The following GALNT13 variants were observed in gnomAD, a reference collection of about 807,000 sequenced individuals.
The protein encoded by GALNT13 is polypeptide N-acetylgalactosaminyltransferase 13.
GALNT13 carries 28 observed loss-of-function variants against 64.2 expected under a neutral mutation model. The observed-to-expected ratio is 0.44, with a 90% CI of 0.32 to 0.60. The LOEUF is 0.60. GALNT13 is among the 20% of genes least tolerant of loss of function. The probability of loss-of-function intolerance (pLI) is 0.05; values close to 1 mark genes in which losing one functional copy is unlikely to be tolerated. For missense variants in GALNT13, 577 were observed against 669.8 expected, an observed-to-expected ratio of 0.86 and a Z score of 1.53; for synonymous variants, 214 against 224.6, an observed-to-expected ratio of 0.95 and a Z score of 0.42.
chr2:154,438,565 T>C, intron 11 of GALNT13, 27 bp from the exon 12 acceptor site: 1 of 1,568,086 alleles, frequency 6.4e-7, no homozygotes, highest in Non-Finnish European at 8.8e-7. Context: ...CATACATTTT[T>C]TTTATTAGCT....
the GALNT13 span, among the ~76,000 whole-genome samples, chr2:153,551,794 G>A: frequency 3.9e-5 from 6 of 152,140 alleles, no homozygotes; most frequent in Non-Finnish European, 7.3e-5. Flanking sequence ...ATAGTTGGAT[G>A]TACAAATCTG....
intron 3 of GALNT13, among the ~76,000 whole-genome samples, chr2:153,973,351 TATC>T (rs1237130601): frequency 6.6e-6 from 1 of 152,020 alleles, no homozygotes; most frequent in African/African-American, 2.4e-5. Flanking sequence ...CTGTGCCAAA[TATC>T]ATTAAGAGTT....
At chr2:154,302,482 T>C (rs1203316945) in intron 9 of GALNT13, among the ~76,000 whole-genome samples, 1 of 152,192 alleles carries the variant, frequency 6.6e-6, no homozygotes, top group Non-Finnish European at 1.5e-5. Flanking sequence ...AAAAGGCTAT[T>C]TGATTTTAAT....
the GALNT13 span, among the ~76,000 whole-genome samples, chr2:153,648,677 G>A: frequency 6.6e-6 from 1 of 152,050 alleles, no homozygotes; most frequent in African/African-American, 2.4e-5. Flanking sequence ...TAGCATGAAG[G>A]GCTGTTGAAT....
the GALNT13 span, among the ~76,000 whole-genome samples, chr2:153,089,049 G>T: frequency 6.6e-6 from 1 of 151,990 alleles, no homozygotes; most frequent in African/African-American, 2.4e-5. Context: ...TTTTCCCATT[G>T]TGTTATTGTT....
the GALNT13 span, among the ~76,000 whole-genome samples, chr2:153,509,314 G>A: frequency 6.6e-6 from 1 of 152,172 alleles, no homozygotes; most frequent in African/African-American, 2.4e-5. Context: ...AACTGAAAAC[G>A]GGGCGGGGCT....
chr2:153,929,698 A>G (rs1574138130), intron 2 of GALNT13, among the ~76,000 whole-genome samples: 1 of 152,138 alleles, frequency 6.6e-6, no homozygotes, highest in Admixed American at 6.6e-5. Flanking sequence ...TTATGGCTGT[A>G]TAGTATTCCA....
chr2:153,841,849 C>T, the GALNT13 span, among the ~76,000 whole-genome samples: 2 of 152,092 alleles, frequency 1.3e-5, no homozygotes, highest in Non-Finnish European at 2.9e-5. Context: ...TCCAAAATTA[C>T]AAGCCAACAC....
At chr2:153,555,344 G>A in the GALNT13 span, among the ~76,000 whole-genome samples, 8 of 135,756 alleles carry the variant, frequency 5.9e-5, 1 homozygote, top group Non-Finnish European at 9.4e-5. Context: ...ACAGGCGCCC[G>A]CTACCACGCC....
intron 2 of GALNT13, among the ~76,000 whole-genome samples, chr2:153,902,561 G>A (rs1016531239): frequency 5.3e-5 from 8 of 152,130 alleles, no homozygotes; most frequent in Admixed American, 5.3e-4. Context: ...ATTGCAGTTG[G>A]AAGACTTGTT....
chr2:153,482,000 T>A, the GALNT13 span, among the ~76,000 whole-genome samples: 4 of 152,174 alleles, frequency 2.6e-5, no homozygotes, highest in Non-Finnish European at 5.9e-5. Flanking sequence ...AAGCCACTCA[T>A]AATAGCAGAT....
chr2:153,077,297 T>C, the GALNT13 span, among the ~76,000 whole-genome samples: 2 of 152,144 alleles, frequency 1.3e-5, no homozygotes, highest in African/African-American at 4.8e-5. Flanking sequence ...AAAAAAATGG[T>C]ATTTTTATTG....
the GALNT13 span, among the ~76,000 whole-genome samples, chr2:153,703,653 A>T: frequency 6.6e-6 from 1 of 152,062 alleles, no homozygotes; most frequent in South Asian, 2.1e-4. Flanking sequence ...ATAGTCCTTG[A>T]TATCTGTTTC....
In GALNT13 at chr2:154,412,165, A is replaced by G. The variant is rs551829463; in HGVS notation, c.1395+3083A>G. Among the ~76,000 whole-genome samples, 3 of 151,860 alleles carry G rather than the reference A, an allele frequency of 2.0e-5. No homozygotes were observed. The South Asian group carries it at 6.2e-4, about 31-fold the overall frequency. On this transcript the variant is annotated intron_variant, in intron 11 of 12. Coordinates refer to ENST00000392825, the MANE Select transcript of GALNT13 (RefSeq NM_052917.4). ...ATTGTTGATTTCAAAACGATGAACA[A>G]CCTCTCCTGTAACTCTAACAAATAC... is the stretch of plus-strand genomic sequence containing the variant.
At chr2:153,631,720 T>C in the GALNT13 span, among the ~76,000 whole-genome samples, 3 of 152,196 alleles carry the variant, frequency 2.0e-5, no homozygotes, top group Non-Finnish European at 4.4e-5. Flanking sequence ...CTTTGTCAGA[T>C]GAGTAGGTTG....
the GALNT13 span, among the ~76,000 whole-genome samples, chr2:153,853,710 TA>T: frequency 4.5e-4 from 67 of 150,194 alleles, no homozygotes; most frequent in Admixed American, 3.7e-3. Context: ...TAATATCATA[TA>T]ATTATATATT....
In GALNT13 at chr2:154,453,028, G is replaced by A. The variant is rs749083393; in HGVS notation, c.*2477G>A. 10 of 152,042 alleles carry A rather than the reference G, an allele frequency of 6.6e-5. No individual in the cohort carries two copies. The highest frequency in any genetic ancestry group is 4.1e-4 in the South Asian group (2 of 4,828). 9.4% of individuals were successfully genotyped at this position (152,042 alleles called of 1,614,324 possible). On this transcript the variant is annotated 3_prime_UTR_variant, in exon 13 of 13. Coordinates refer to ENST00000392825, the MANE Select transcript of GALNT13 (RefSeq NM_052917.4). ...CTCCTCTATTTCTGTTTCAACTCTCGTCTAATCCAACAGCAAATCCCCTTG... is the reference window on the plus strand; with the variant it reads ...CTCCTCTATTTCTGTTTCAACTCTCATCTAATCCAACAGCAAATCCCCTTG...
the GALNT13 span, among the ~76,000 whole-genome samples, chr2:153,509,403 C>T: frequency 6.6e-6 from 1 of 152,212 alleles, no homozygotes; most frequent in African/African-American, 2.4e-5. Context: ...CTGGAGTCCC[C>T]GCAGCGGCTG....
At chr2:154,044,754 G>A (rs1244487029) in intron 3 of GALNT13, among the ~76,000 whole-genome samples, 1 of 152,190 alleles carries the variant, frequency 6.6e-6, no homozygotes, top group African/African-American at 2.4e-5. Flanking sequence ...TTAGCTAATT[G>A]AACACTTAAG....
Sources: allele counts gnomAD v4.1 joint callset (sites outside exome capture counted in the v4.1 genomes callset), GRCh38; gene constraint gnomAD v4.1.1; transcripts MANE v1.5; gene names NCBI Gene and HGNC (gene_info 2026-07-23, HGNC 2026-07-21).